The following SLC35F3 variants were observed in gnomAD, a reference collection of about 807,000 sequenced individuals.
SLC35F3 encodes putative thiamine transporter SLC35F3.
In SLC35F3, 25 loss-of-function variants were observed where a neutral mutation model predicts 49.9. The ratio of observed to expected loss-of-function variants is 0.50; its 90% CI spans 0.37 to 0.70. The LOEUF (loss-of-function observed/expected upper bound fraction) is 0.70. Among genes scored for constraint, SLC35F3 ranks in the 30% least tolerant of loss-of-function variants. SLC35F3 has a pLI of 0.00. For missense variants in SLC35F3, 525 were observed against 639.8 expected, an observed-to-expected ratio of 0.82 and a Z score of 1.94; for synonymous variants, 275 against 265.4, an observed-to-expected ratio of 1.04 and a Z score of -0.35.
intron 3 of SLC35F3, among the ~76,000 whole-genome samples, chr1:234,278,869 C>A (rs930768970): frequency 7.9e-5 from 12 of 152,298 alleles, no homozygotes; most frequent in South Asian, 2.1e-4. Flanking sequence ...CCAAAGGTGC[C>A]TCTCTGATAC....
chr1:234,146,377 T>C (rs1355436312), intron 2 of SLC35F3, among the ~76,000 whole-genome samples: 1 of 152,044 alleles, frequency 6.6e-6, no homozygotes. Context: ...TTCCATGATA[T>C]TACTATTGCC....
intron 2 of SLC35F3, among the ~76,000 whole-genome samples, chr1:234,049,049 A>C (rs73102422): frequency 0.076 from 11,616 of 152,250 alleles, 1,189 homozygotes; most frequent in African/African-American, 0.23. Context: ...TATCTGATTT[A>C]AATCATATTT....
At chr1:234,143,356 T>G (rs1415082396) in intron 2 of SLC35F3, among the ~76,000 whole-genome samples, 1 of 150,784 alleles carries the variant, frequency 6.6e-6, no homozygotes, top group Non-Finnish European at 1.5e-5. Flanking sequence ...TGGCGTGATT[T>G]TGGCTCATTG....
At chr1:234,044,850 T>C (rs1664267476) in intron 2 of SLC35F3, among the ~76,000 whole-genome samples, 1 of 152,060 alleles carries the variant, frequency 6.6e-6, no homozygotes, top group South Asian at 2.1e-4. Flanking sequence ...TTATCATATG[T>C]TTTTCTAAAT....
At chr1:234,159,909 C>T (rs565665837) in intron 2 of SLC35F3, among the ~76,000 whole-genome samples, 2 of 152,272 alleles carry the variant, frequency 1.3e-5, no homozygotes, top group East Asian at 3.9e-4. Context: ...ACTAATTTCT[C>T]GTAAGATTTT....
rs554815720 is a variant in SLC35F3, at chr1:234,205,902, G to T, written c.284-25515G>T. Reference sequence around the variant, plus strand: ...CCTGAGATGACCAGGGGACCTGGGGGTGCAGGGGGTGGTGGGTGAGGGGTC... The same window carrying T: ...CCTGAGATGACCAGGGGACCTGGGGTTGCAGGGGGTGGTGGGTGAGGGGTC... On this transcript the variant is annotated intron_variant, in intron 2 of 7. Coordinates refer to ENST00000366618, the MANE Select transcript of SLC35F3 (RefSeq NM_173508.4). Among the ~76,000 whole-genome samples the T allele has an allele frequency of 2.6e-5, 4 of 152,170 alleles. 1 individual carries two copies. The highest frequency in any genetic ancestry group is 2.9e-5 in the Non-Finnish European group (2 of 68,024).
intron 3 of SLC35F3, among the ~76,000 whole-genome samples, chr1:234,257,241 C>T (rs1224764664): frequency 3.3e-5 from 5 of 152,184 alleles, no homozygotes; most frequent in Non-Finnish European, 7.3e-5. Context: ...TATTCAAGTA[C>T]TTTGTCAATT....
At chr1:234,256,126 T>C (rs569076370) in intron 3 of SLC35F3, among the ~76,000 whole-genome samples, 10 of 152,290 alleles carry the variant, frequency 6.6e-5, no homozygotes, top group African/African-American at 2.4e-4. Context: ...ATAATTTTAA[T>C]GTCATAAGAG....
At chr1:234,267,074 A>ATGAC (rs1667993173) in intron 3 of SLC35F3, among the ~76,000 whole-genome samples, 1 of 142,736 alleles carries the variant, frequency 7.0e-6, no homozygotes, top group South Asian at 2.4e-4. Context: ...GGGAGTGGTG[A>ATGAC]TGACTCTTAA....
intron 3 of SLC35F3, among the ~76,000 whole-genome samples, chr1:234,302,706 A>G (rs1332727036): frequency 6.6e-6 from 1 of 151,976 alleles, no homozygotes; most frequent in African/African-American, 2.4e-5. Flanking sequence ...TTTGAACTTG[A>G]GTGGGTCTTT....
chr1:234,031,900 T>G (rs1664068159), intron 2 of SLC35F3, among the ~76,000 whole-genome samples: 1 of 152,218 alleles, frequency 6.6e-6, no homozygotes, highest in South Asian at 2.1e-4. Flanking sequence ...ATTTCCTTGC[T>G]TCTTAAAATT....
intron 3 of SLC35F3, among the ~76,000 whole-genome samples, chr1:234,262,220 T>C (rs1211910848): frequency 3.3e-5 from 5 of 151,904 alleles, no homozygotes; most frequent in Non-Finnish European, 7.4e-5. Flanking sequence ...GTGCTAGTAA[T>C]TATCAGTGAG....
intron 2 of SLC35F3, among the ~76,000 whole-genome samples, chr1:234,168,209 G>T (rs1461870803): frequency 6.6e-6 from 1 of 152,216 alleles, no homozygotes; most frequent in African/African-American, 2.4e-5. Context: ...CCTAGGGCTG[G>T]AATATGACTT....
chr1:234,032,311 T>G (rs1664075832), intron 2 of SLC35F3, among the ~76,000 whole-genome samples: 1 of 152,184 alleles, frequency 6.6e-6, no homozygotes, highest in South Asian at 2.1e-4. Flanking sequence ...TTATTATTGC[T>G]ATTCTTTCAT....
At chr1:234,247,902 G>A (rs1667665957) in intron 3 of SLC35F3, among the ~76,000 whole-genome samples, 2 of 152,198 alleles carry the variant, frequency 1.3e-5, no homozygotes, top group African/African-American at 2.4e-5. Flanking sequence ...TTGTTTGGTG[G>A]GTAGGTTGGT....
At chr1:234,322,736 C>A (rs541157774) in intron 7 of SLC35F3, among the ~76,000 whole-genome samples, 82 of 151,812 alleles carry the variant, frequency 5.4e-4, no homozygotes, top group African/African-American at 1.9e-3. Flanking sequence ...TTGTTTTAAT[C>A]ACATAAATCA....
intron 2 of SLC35F3, among the ~76,000 whole-genome samples, chr1:234,199,570 G>T (rs1255825557): frequency 6.6e-6 from 1 of 152,182 alleles, no homozygotes; most frequent in Non-Finnish European, 1.5e-5. Context: ...AAGACTTTGT[G>T]ACATTGGTCT....
At chr1:233,937,411 G>T (rs918916418) in intron 2 of SLC35F3, among the ~76,000 whole-genome samples, 1 of 152,220 alleles carries the variant, frequency 6.6e-6, no homozygotes, top group Non-Finnish European at 1.5e-5. Flanking sequence ...GAGAAAAATT[G>T]TCCAAGGCTG....
chr1:234,133,902 GAC>G (rs1206925867), intron 2 of SLC35F3, among the ~76,000 whole-genome samples: 1 of 152,170 alleles, frequency 6.6e-6, no homozygotes, highest in Non-Finnish European at 1.5e-5. Flanking sequence ...AACCCTGGGA[GAC>G]ACAGAGTCTT....
Sources: gnomAD v4.1 joint callset for allele counts (sites outside exome capture counted in the v4.1 genomes callset) on GRCh38, gnomAD v4.1.1 for gene constraint, MANE v1.5 for transcripts, NCBI Gene and HGNC (gene_info 2026-07-23, HGNC 2026-07-21) for gene names.